CLCN6: variants seen among roughly 807,000 people sequenced by gnomAD.
CLCN6 encodes H(+)/Cl(-) exchange transporter 6.
In CLCN6, 70 loss-of-function variants were observed where a neutral mutation model predicts 109.8. That is an observed-to-expected ratio of 0.64 (90% CI 0.53 to 0.78). The LOEUF is 0.78. Among genes scored for constraint, CLCN6 ranks in the 30% least tolerant of loss-of-function variants. The pLI, the probability that CLCN6 is intolerant of heterozygous loss-of-function variation, is 0.00. For missense variants in CLCN6, 984 were observed against 1,142.3 expected (o/e 0.86, Z 2.00); for synonymous variants, 444 against 447.8 (o/e 0.99, Z 0.11).
intron 22 of CLCN6, among the ~76,000 whole-genome samples, chr1:11,839,633 G>A (rs1178024506): frequency 6.6e-6 from 1 of 152,210 alleles, no homozygotes; most frequent in Non-Finnish European, 1.5e-5. Flanking sequence ...GTTGCAGTAG[G>A]TTAACTTATG....
In CLCN6 at chr1:11,824,508, C is replaced by T. The variant is rs138998252; in HGVS notation, c.603C>T (p.Gly201=). ...CAGGGCTCTTCGTGGAGAAGGAAGG[C>T]CCCATGATCCACAGTGGTTCGGTGG... ...VAGGLFVEKE[G]PMIHSGSVVG... The change falls in exon 8 of 23, where the codon GGC becomes GGT. Residue 201 remains glycine, a synonymous_variant. Coordinates refer to ENST00000346436, the MANE Select transcript of CLCN6 (RefSeq NM_001286.5). 9.9e-6 allele frequency: 16 copies of T among 1,613,542 alleles called. No individual in the cohort carries two copies. The Admixed American group carries it at 2.3e-4, about 24-fold the overall frequency.
At chr1:11,838,717 C>G in intron 22 of CLCN6, 57 bp downstream of exon 22, 1 of 1,612,724 alleles carries the variant, frequency 6.2e-7, no homozygotes. Flanking sequence ...TAGCCAGGTG[C>G]TGTTTGTGCA....
At position 11,824,502 on chromosome 1, in the gene CLCN6, G is replaced by A; in HGVS notation, c.597G>A (p.Lys199=). 1 of 1,613,716 alleles carries A rather than the reference G, an allele frequency of 6.2e-7. No homozygotes were observed. Among genetic ancestry groups the A allele is most frequent in the African/African-American group, 1.3e-5 (1 of 75,020 alleles). The part of the protein sequence containing the change: ...FSVAGGLFVE[K]EGPMIHSGSV... The stretch of plus-strand genomic sequence containing the variant: ...CCTGCCCAGGGCTCTTCGTGGAGAA[G>A]GAAGGCCCCATGATCCACAGTGGTT... The change falls in exon 8 of 23, where the codon AAG becomes AAA. Residue 199 remains lysine, a synonymous_variant. Coordinates refer to ENST00000346436, the MANE Select transcript of CLCN6 (RefSeq NM_001286.5).
chr1:11,823,810 G>A lies in CLCN6; in HGVS notation c.557G>A (p.Gly186Glu), dbSNP rs1265843282. The A allele has an allele frequency of 6.2e-7, 1 of 1,614,148 alleles. No homozygotes were observed. Among genetic ancestry groups the A allele is most frequent in the South Asian group, 1.1e-5 (1 of 91,090 alleles). ...CGGACCCTGCTCTGCAAGGTCCTTG[G>A]AGTGCTGTTCAGTGTGGCTGGAGGT... is the stretch of plus-strand genomic sequence containing the variant. ...RLRTLLCKVL[G>E]VLFSVAGGLF... is the part of the protein sequence containing the mutation. The change falls in exon 7 of 23, where the codon GGA becomes GAA. Residue 186 changes from glycine (G) to glutamate (E), a missense_variant. Coordinates refer to ENST00000346436, the MANE Select transcript of CLCN6 (RefSeq NM_001286.5).
chr1:11,812,287 A>G (rs1399293615), intron 2 of CLCN6, among the ~76,000 whole-genome samples: 1 of 152,252 alleles, frequency 6.6e-6, no homozygotes, highest in Non-Finnish European at 1.5e-5. Context: ...AGGATACAGA[A>G]GAACAGCCAG....
At chr1:11,833,407 G>A in intron 13 of CLCN6, 108 bp from the exon 14 acceptor site, 1 of 1,091,178 alleles carries the variant, frequency 9.2e-7, no homozygotes, top group Non-Finnish European at 1.4e-6. Flanking sequence ...CTGTTTGATT[G>A]ATGGGGAAAG....
At chr1:11,819,658 C>T in intron 5 of CLCN6, 104 bp downstream of exon 5, 1 of 927,870 alleles carries the variant, frequency 1.1e-6, no homozygotes, top group Non-Finnish European at 1.8e-6. Context: ...AGAAGGGCCG[C>T]TTATTAGCTA....
In CLCN6 at chr1:11,824,583, T is replaced by G. The variant is rs1245287975; in HGVS notation, c.648+30T>G. 3.1e-6 allele frequency: 5 copies of G among 1,597,842 alleles called. No homozygotes were observed. The East Asian group carries it at 1.1e-4, about 36-fold the overall frequency. Reference sequence around the variant, plus strand: ...GATGGGCTGAGAGGGTGTGGGCCTCTGGGCAGGCCTAGTGGGAGGTCTGGT... The same window carrying G: ...GATGGGCTGAGAGGGTGTGGGCCTCGGGGCAGGCCTAGTGGGAGGTCTGGT... On this transcript the variant is annotated intron_variant, in intron 8 of 22. Transcript: ENST00000346436.
intron 2 of CLCN6, among the ~76,000 whole-genome samples, chr1:11,810,699 A>G (rs1232750797): frequency 6.6e-6 from 1 of 152,232 alleles, no homozygotes; most frequent in Non-Finnish European, 1.5e-5. Flanking sequence ...AAGTAACAGT[A>G]TCTGGTTTTA....
intron 1 of CLCN6, 82 bp from the exon 2 acceptor site, chr1:11,807,049 G>A (rs1644524200): frequency 8.1e-7 from 1 of 1,227,660 alleles, no homozygotes; most frequent in African/African-American, 1.5e-5. Flanking sequence ...TTAGAAGCTA[G>A]CCACTGATTT....
chr1:11,819,649 G>A (rs1644717462), intron 5 of CLCN6, 95 bp downstream of exon 5: 2 of 1,035,904 alleles, frequency 1.9e-6, no homozygotes, highest in South Asian at 2.6e-5. Flanking sequence ...CATAGTATTA[G>A]AAGGGCCGCT....
chr1:11,839,964 C>T (rs1644998373), intron 22 of CLCN6, among the ~76,000 whole-genome samples, 179 bp from the exon 23 acceptor site: 1 of 152,230 alleles, frequency 6.6e-6, no homozygotes, highest in African/African-American at 2.4e-5. Flanking sequence ...CTAACCTTGT[C>T]CCCTTGGCCT....
At chr1:11,814,632 C>T (rs574977005) in intron 2 of CLCN6, among the ~76,000 whole-genome samples, 14 of 152,250 alleles carry the variant, frequency 9.2e-5, no homozygotes, top group African/African-American at 3.1e-4. Flanking sequence ...CTGCAAGTTG[C>T]TTGCAGGATT....
At chr1:11,839,163 T>C in intron 22 of CLCN6, 1 of 573,048 alleles carries the variant, frequency 1.7e-6, no homozygotes, top group East Asian at 2.9e-5. Context: ...CAAAAACACA[T>C]ATGAGCAAAA....
intron 13 of CLCN6, among the ~76,000 whole-genome samples, chr1:11,832,097 C>CT (rs1644890467): frequency 6.6e-6 from 1 of 152,214 alleles, no homozygotes; most frequent in Admixed American, 6.5e-5. Flanking sequence ...CTTATCAGCA[C>CT]TGTGCTTGCT....
At chr1:11,815,957 C>T (rs374399633) in intron 3 of CLCN6, 46 bp downstream of exon 3, 224 of 1,462,528 alleles carry the variant, frequency 1.5e-4, no homozygotes, top group Non-Finnish European at 2.1e-4. Flanking sequence ...TCAGTCTTAA[C>T]ATGGCATTTT....
intron 22 of CLCN6, chr1:11,838,964 C>T (rs1453978836): frequency 1.4e-6 from 1 of 705,024 alleles, no homozygotes; most frequent in Non-Finnish European, 2.7e-6. Context: ...CTTGGTTCTC[C>T]ACCTGCGTAG....
chr1:11,829,097 T>G (rs4846058), intron 12 of CLCN6, 99 bp from the exon 13 acceptor site: 2 of 1,417,794 alleles, frequency 1.4e-6, no homozygotes, highest in Non-Finnish European at 1.9e-6. Context: ...GAATGCTGTT[T>G]GGAGAAATCG....
intron 4 of CLCN6, among the ~76,000 whole-genome samples, chr1:11,818,091 G>T (rs920159682): frequency 6.6e-6 from 1 of 151,442 alleles, no homozygotes; most frequent in Non-Finnish European, 1.5e-5. Flanking sequence ...GGGAGACCCT[G>T]TCTCCTTAAA....
Sources: allele counts gnomAD v4.1 joint callset (sites outside exome capture counted in the v4.1 genomes callset), GRCh38; gene constraint gnomAD v4.1.1; transcripts MANE v1.5; gene names NCBI Gene and HGNC (gene_info 2026-07-23, HGNC 2026-07-21).